Variants in PPIH observed in about 807,000 individuals in gnomAD.
PPIH encodes peptidylprolyl isomerase H, also known as peptidyl-prolyl cis-trans isomerase H.
PPIH carries 16 observed loss-of-function variants against 27.6 expected under a neutral mutation model. That is an observed-to-expected ratio of 0.58 (90% CI 0.39 to 0.88). PPIH has a LOEUF of 0.88. Among genes scored for constraint, PPIH ranks in the 40% least tolerant of loss-of-function variants. The probability of loss-of-function intolerance (pLI) is 0.00; values close to 1 mark genes in which losing one functional copy is unlikely to be tolerated. For missense variants in PPIH, 155 were observed against 224.1 expected (o/e 0.69, Z 1.97); for synonymous variants, 63 against 76.1 (o/e 0.83, Z 0.90).
chr1:42,667,086 T>A (rs149435324), intron 8 of PPIH, among the ~76,000 whole-genome samples: 1 of 152,318 alleles, frequency 6.6e-6, no homozygotes, highest in African/African-American at 2.4e-5. Flanking sequence ...TTCCCTGACC[T>A]CTTTAAGCCC....
rs148388549 is a variant in PPIH, at chr1:42,662,059, A to G, written c.243+1155A>G. Reference sequence around the variant, plus strand: ...TTGTTTGCAGCCCCGGGAAACAGATAATGGTAGTAGGGTTTGTTAGCTGGT... The same window carrying G: ...TTGTTTGCAGCCCCGGGAAACAGATGATGGTAGTAGGGTTTGTTAGCTGGT... On this transcript the variant is annotated intron_variant, in intron 5 of 9. Coordinates refer to ENST00000304979, the MANE Select transcript of PPIH (RefSeq NM_006347.4). 7.1e-4 allele frequency among the ~76,000 whole-genome samples: 108 copies of G among 152,312 alleles called. 2 individuals carry two copies. The highest frequency in any genetic ancestry group is 3.4e-3 in the Middle Eastern group (1 of 294).
At chr1:42,662,129 C>T (rs1489393847) in intron 5 of PPIH, among the ~76,000 whole-genome samples, 1 of 151,850 alleles carries the variant, frequency 6.6e-6, no homozygotes, top group Non-Finnish European at 1.5e-5. Flanking sequence ...CCTTTTTTTT[C>T]CCCTAGGCTT....
downstream of PPIH, chr1:42,681,446 C>T (rs1278982842): frequency 1.3e-5 from 2 of 152,142 alleles, no homozygotes; most frequent in Non-Finnish European, 2.9e-5. Flanking sequence ...CAGAAACTGA[C>T]TCGCGAACTA....
chr1:42,666,891 A>G (rs1032443323), intron 8 of PPIH, among the ~76,000 whole-genome samples: 1 of 152,082 alleles, frequency 6.6e-6, no homozygotes, highest in Non-Finnish European at 1.5e-5. Context: ...TCCATGTTCC[A>G]GTCACATCAG....
At chr1:42,671,900 T>C (rs1417818392) in intron 9 of PPIH, among the ~76,000 whole-genome samples, 3 of 140,162 alleles carry the variant, frequency 2.1e-5, no homozygotes, top group Admixed American at 1.4e-4. Context: ...TTTTTTTTTT[T>C]CGAGACGGAG....
chr1:42,673,583 G>T (rs1171634123), intron 9 of PPIH, among the ~76,000 whole-genome samples: 1 of 152,154 alleles, frequency 6.6e-6, no homozygotes, highest in Non-Finnish European at 1.5e-5. Flanking sequence ...TTAAACCTAC[G>T]AATTCCTAGA....
intron 9 of PPIH, among the ~76,000 whole-genome samples, chr1:42,670,772 A>G (rs1649585898): frequency 6.6e-6 from 1 of 152,098 alleles, no homozygotes; most frequent in East Asian, 1.9e-4. Flanking sequence ...CTGAGGGACT[A>G]AACTGTTAAC....
intron 5 of PPIH, among the ~76,000 whole-genome samples, chr1:42,661,728 T>A (rs1162690579): frequency 6.6e-6 from 1 of 152,230 alleles, no homozygotes; most frequent in African/African-American, 2.4e-5. Context: ...TAAGACCTCT[T>A]TCCTTTCCTA....
At chr1:42,659,207 T>G (rs1158178442) in intron 2 of PPIH, 21 bp from the exon 3 acceptor site, 1 of 1,614,138 alleles carries the variant, frequency 6.2e-7, no homozygotes. Flanking sequence ...GATTGAATCA[T>G]TCATTTTTTG....
At chr1:42,666,088 A>G (rs781330858) in intron 7 of PPIH, 21 bp downstream of exon 7, 1 of 1,607,832 alleles carries the variant, frequency 6.2e-7, no homozygotes, top group South Asian at 1.1e-5. Context: ...CTCCTGTCTC[A>G]TGGTCCAGGC....
intron 9 of PPIH, among the ~76,000 whole-genome samples, chr1:42,667,879 C>T (rs1321872076): frequency 6.6e-6 from 1 of 152,222 alleles, no homozygotes; most frequent in Non-Finnish European, 1.5e-5. Flanking sequence ...ACTGATACTG[C>T]AATTCCAGGC....
intron 9 of PPIH, among the ~76,000 whole-genome samples, chr1:42,672,919 G>A (rs756157556): frequency 1.1e-4 from 16 of 152,100 alleles, no homozygotes; most frequent in Admixed American, 1.3e-4. Context: ...AAAGTACTGG[G>A]ATTACAGGCG....
chr1:42,673,181 C>T (rs1297340277), intron 9 of PPIH, among the ~76,000 whole-genome samples: 2 of 152,010 alleles, frequency 1.3e-5, no homozygotes, highest in Non-Finnish European at 2.9e-5. Flanking sequence ...GATGGGGTTT[C>T]ACCATGTTGT....
At chr1:42,666,496 G>A (rs777589833) in intron 7 of PPIH, 51 bp from the exon 8 acceptor site, 4 of 1,579,312 alleles carry the variant, frequency 2.5e-6, no homozygotes, top group Non-Finnish European at 3.5e-6. Context: ...TTTGGAAGCT[G>A]GAAAATGCTA....
chr1:42,669,820 TA>T (rs1245232378), intron 9 of PPIH, among the ~76,000 whole-genome samples: 3 of 152,236 alleles, frequency 2.0e-5, no homozygotes, highest in Non-Finnish European at 4.4e-5. Flanking sequence ...TATTTCTTTT[TA>T]TATGGTGGAG....
downstream of PPIH, among the ~76,000 whole-genome samples, chr1:42,680,275 G>T (rs746892416): frequency 2.6e-5 from 4 of 152,210 alleles, no homozygotes; most frequent in Non-Finnish European, 5.9e-5. Flanking sequence ...CTGGAGAGTT[G>T]CAAGTGTCTA....
chr1:42,667,540 C>G, intron 9 of PPIH, 100 bp downstream of exon 9: 1 of 962,334 alleles, frequency 1.0e-6, no homozygotes, highest in Non-Finnish European at 1.6e-6. Flanking sequence ...GAGATTGAGC[C>G]CAGTTCCTCC....
At chr1:42,672,838 AG>A (rs1649710910) in intron 9 of PPIH, among the ~76,000 whole-genome samples, 1 of 152,190 alleles carries the variant, frequency 6.6e-6, no homozygotes, top group Admixed American at 6.5e-5. Context: ...TAGTAGAGAC[AG>A]GGTTTCACCA....
chr1:42,680,937 G>C (rs983196739), downstream of PPIH, among the ~76,000 whole-genome samples: 2 of 152,126 alleles, frequency 1.3e-5, no homozygotes, highest in Admixed American at 6.5e-5. Context: ...GCCTACAGTA[G>C]TGACAGTAGG....
Sources: allele counts gnomAD v4.1 joint callset (sites outside exome capture counted in the v4.1 genomes callset), GRCh38; gene constraint gnomAD v4.1.1; transcripts MANE v1.5; gene names NCBI Gene and HGNC (gene_info 2026-07-23, HGNC 2026-07-21).